Variants in SH3PXD2A observed in about 807,000 individuals in gnomAD.
The protein encoded by SH3PXD2A is SH3 and PX domain-containing protein 2A.
SH3PXD2A carries 32 observed loss-of-function variants against 115.2 expected under a neutral mutation model. That is an observed-to-expected ratio of 0.28 (90% CI 0.21 to 0.37). SH3PXD2A has a LOEUF of 0.37. SH3PXD2A is among the 10% of genes least tolerant of loss of function. The pLI is 1.00. For synonymous variants in SH3PXD2A, 610 were observed against 629.1 expected, an observed-to-expected ratio of 0.97 and a Z score of 0.45; for missense variants, 1,328 against 1,498.7, an observed-to-expected ratio of 0.89 and a Z score of 1.88.
intron 2 of SH3PXD2A, among the ~76,000 whole-genome samples, chr10:103,770,062 T>C (rs776415837): frequency 4.6e-5 from 7 of 152,184 alleles, no homozygotes; most frequent in Non-Finnish European, 5.9e-5. Flanking sequence ...AAACTAAGAA[T>C]CACTCATAAT....
intron 2 of SH3PXD2A, among the ~76,000 whole-genome samples, chr10:103,788,005 G>A (rs1239406455): frequency 6.6e-6 from 1 of 152,072 alleles, no homozygotes; most frequent in African/African-American, 2.4e-5. Context: ...TTGATTTACT[G>A]CAGCTTGGAG....
intron 10 of SH3PXD2A, among the ~76,000 whole-genome samples, chr10:103,618,450 C>T (rs1268154451): frequency 6.6e-6 from 1 of 152,230 alleles, no homozygotes; most frequent in Non-Finnish European, 1.5e-5. Context: ...GCCTGAGACA[C>T]TCCGTAGAGG....
chr10:103,817,410 G>A (rs553956937), intron 1 of SH3PXD2A, among the ~76,000 whole-genome samples: 2 of 151,918 alleles, frequency 1.3e-5, no homozygotes, highest in South Asian at 2.1e-4. Flanking sequence ...GTGCCATCTC[G>A]GCGCACTGCA....
chr10:103,685,722 A>G (rs764961540), intron 6 of SH3PXD2A, among the ~76,000 whole-genome samples: 1 of 152,192 alleles, frequency 6.6e-6, no homozygotes, highest in Admixed American at 6.5e-5. Context: ...CCTATTTTAC[A>G]GGTGAAGAAA....
chr10:103,800,057 C>A (rs981370873), intron 2 of SH3PXD2A, among the ~76,000 whole-genome samples: 1 of 152,138 alleles, frequency 6.6e-6, no homozygotes. Context: ...CAACCAAAGG[C>A]CTGCCAAGAA....
intron 4 of SH3PXD2A, among the ~76,000 whole-genome samples, chr10:103,731,727 G>A (rs1428179639): frequency 6.6e-6 from 1 of 152,204 alleles, no homozygotes; most frequent in Admixed American, 6.5e-5. Flanking sequence ...CTCAAGGGGA[G>A]AGCCAATGAT....
intron 3 of SH3PXD2A, among the ~76,000 whole-genome samples, chr10:103,758,741 A>G (rs1399284465): frequency 6.6e-6 from 1 of 152,184 alleles, no homozygotes; most frequent in Non-Finnish European, 1.5e-5. Flanking sequence ...AAGACAAAAT[A>G]CCTCCAGTGG....
chr10:103,744,317 C>T (rs2038476784), intron 3 of SH3PXD2A, among the ~76,000 whole-genome samples: 1 of 152,118 alleles, frequency 6.6e-6, no homozygotes, highest in Non-Finnish European at 1.5e-5. Context: ...CCACACCTGG[C>T]TAATTTTGTA....
chr10:103,791,987 G>A (rs1298800313), intron 2 of SH3PXD2A, among the ~76,000 whole-genome samples: 1 of 152,082 alleles, frequency 6.6e-6, no homozygotes, highest in African/African-American at 2.4e-5. Context: ...TGCCAAAGGG[G>A]AACTCAGGAG....
chr10:103,806,221 CAG>C (rs2039201238), intron 1 of SH3PXD2A, among the ~76,000 whole-genome samples: 1 of 152,060 alleles, frequency 6.6e-6, no homozygotes, highest in Non-Finnish European at 1.5e-5. Context: ...CCCCCCTGGA[CAG>C]AGTCTAAATC....
chr10:103,811,467 A>G (rs563882017), intron 1 of SH3PXD2A, among the ~76,000 whole-genome samples: 2 of 152,390 alleles, frequency 1.3e-5, no homozygotes, highest in African/African-American at 4.8e-5. Flanking sequence ...AAGTGTTGTT[A>G]TCGTCTCCAG....
rs979021631 is a variant in SH3PXD2A at position 103,737,522 on chromosome 10, C to T, written c.230-1714G>A. On this transcript the variant is annotated intron_variant, in intron 3 of 14. Coordinates refer to ENST00000369774, the MANE Select transcript of SH3PXD2A (RefSeq NM_001394015.1). ...CATTAGGGGAGTGGGACAGTAAGGG[C>T]AGGGAGGGGAAGGAAGTGTTATCAG... 9.9e-5 allele frequency among the ~76,000 whole-genome samples: 15 copies of T among 152,216 alleles called. No homozygotes were observed. In the East Asian group the frequency reaches 2.7e-3, roughly 27 times the overall value.
At chr10:103,698,296 G>C (rs2037850051) in intron 5 of SH3PXD2A, among the ~76,000 whole-genome samples, 1 of 152,224 alleles carries the variant, frequency 6.6e-6, no homozygotes, top group Non-Finnish European at 1.5e-5. Flanking sequence ...AATGCTGCAG[G>C]GTTGTACCCT....
chr10:103,681,442 G>A (rs2037606358), intron 6 of SH3PXD2A, among the ~76,000 whole-genome samples: 1 of 152,222 alleles, frequency 6.6e-6, no homozygotes, highest in African/African-American at 2.4e-5. Flanking sequence ...CGCAACCCTA[G>A]CTTGATTTCA....
At chr10:103,671,920 G>A (rs2037466476) in intron 6 of SH3PXD2A, among the ~76,000 whole-genome samples, 1 of 152,216 alleles carries the variant, frequency 6.6e-6, no homozygotes. Context: ...AGAAAGTAAA[G>A]GGCATCAGAC....
chr10:103,735,185 CCTT>C (rs1189495073), intron 4 of SH3PXD2A, among the ~76,000 whole-genome samples: 1 of 152,254 alleles, frequency 6.6e-6, no homozygotes, highest in Non-Finnish European at 1.5e-5. Context: ...ACACTGCTGT[CCTT>C]CTCCTGCCTG....
At chr10:103,697,190 T>G (rs1220655908) in intron 5 of SH3PXD2A, among the ~76,000 whole-genome samples, 1 of 152,170 alleles carries the variant, frequency 6.6e-6, no homozygotes, top group East Asian at 1.9e-4. Flanking sequence ...GAGCCTCTAC[T>G]TCTCTATCTG....
intron 1 of SH3PXD2A, among the ~76,000 whole-genome samples, chr10:103,836,510 C>T (rs1476956660): frequency 6.6e-6 from 1 of 151,040 alleles, no homozygotes; most frequent in Non-Finnish European, 1.5e-5. Context: ...ACACACACAG[C>T]ACATCCCCCA....
At chr10:103,791,341 C>T (rs897971891) in intron 2 of SH3PXD2A, among the ~76,000 whole-genome samples, 38 of 152,198 alleles carry the variant, frequency 2.5e-4, no homozygotes, top group Non-Finnish European at 5.4e-4. Context: ...ACCGTGAATA[C>T]CCTGGGCCTG....
Sources: allele counts gnomAD v4.1 joint callset (sites outside exome capture counted in the v4.1 genomes callset), GRCh38; gene constraint gnomAD v4.1.1; transcripts MANE v1.5; gene names NCBI Gene and HGNC (gene_info 2026-07-23, HGNC 2026-07-21).